The following ATPAF2 variants were observed in gnomAD, a reference collection of about 807,000 sequenced individuals.
ATPAF2 encodes ATP12 homolog.
A neutral mutation model predicts 36.6 loss-of-function variants in ATPAF2; 30 were observed. The ratio of observed to expected loss-of-function variants is 0.82; its 90% CI spans 0.61 to 1.11. ATPAF2 has a LOEUF of 1.11. ATPAF2 is among the 50% of genes most tolerant of loss of function. ATPAF2 has a pLI of 0.00. For missense variants in ATPAF2, 321 were observed against 372.3 expected, an observed-to-expected ratio of 0.86 and a Z score of 1.13; for synonymous variants, 140 against 152.6, an observed-to-expected ratio of 0.92 and a Z score of 0.61.
intron 2 of ATPAF2, 66 bp downstream of exon 2, chr17:18,028,548 GA>G: frequency 3.1e-6 from 4 of 1,307,428 alleles, no homozygotes; most frequent in African/African-American, 3.7e-5. Flanking sequence ...AGCTGAAGAT[GA>G]AAAATGTTCC....
At position 18,038,940 on chromosome 17, in the gene ATPAF2, G is replaced by A; in HGVS notation, c.74C>T (p.Ala25Val). 2 of 1,605,892 alleles carry A rather than the reference G, an allele frequency of 1.2e-6. No homozygotes were observed. The highest frequency in any genetic ancestry group is 1.7e-6 in the Non-Finnish European group (2 of 1,176,938). Residue 25 changes from alanine (A) to valine (V), a missense_variant, in exon 1 of 8, where the codon GCT becomes GTT. Around this residue, in one of 3 missense-constraint regions of ATPAF2, gnomAD observed 69 missense variants for 60.1 expected, o/e 1.15. Transcript: ENST00000474627. ...LLNRPAGGPS[A>V]SMSPGPTIPS... ...GATGGTTGGCCCCGGACTCATAGAA[G>A]CGCTGGGGCCACCCGCCGGCCGATT...
chr17:18,030,669 C>CTTT (rs545874481), intron 1 of ATPAF2, among the ~76,000 whole-genome samples: 4 of 136,022 alleles, frequency 2.9e-5, no homozygotes, highest in South Asian at 4.7e-4. Context: ...TTTTCTTTTT[C>CTTT]TTTTTTTTTT....
At chr17:18,022,925 A>G (rs2044491787) in intron 5 of ATPAF2, among the ~76,000 whole-genome samples, 1 of 151,794 alleles carries the variant, frequency 6.6e-6, no homozygotes, top group African/African-American at 2.4e-5. Context: ...GGAGATTGAG[A>G]CCATCCTGGC....
chr17:18,028,175 A>G (rs749878187), intron 3 of ATPAF2, 57 bp downstream of exon 3: 1 of 1,611,644 alleles, frequency 6.2e-7, no homozygotes, highest in Non-Finnish European at 8.5e-7. Flanking sequence ...TAAAGGGTCT[A>G]CCCTACGAAG....
chr17:18,017,170 TCAAAAAAAAAAAAAAA>T (rs1375380557), downstream of ATPAF2, among the ~76,000 whole-genome samples: 1 of 33,652 alleles, frequency 3.0e-5, no homozygotes, highest in African/African-American at 1.2e-4. Context: ...AGACTTCGTC[TCAAAAAAAAAAAAAAA>T]AAAAAAAAAA....
downstream of ATPAF2, chr17:18,015,162 C>A (rs1241846002): frequency 6.6e-6 from 1 of 152,190 alleles, no homozygotes; most frequent in African/African-American, 2.4e-5. Flanking sequence ...CTGGCTTTCC[C>A]AAATGTATTT....
At chr17:18,019,185 A>ACACACACACACC (rs1313379853) in intron 7 of ATPAF2, among the ~76,000 whole-genome samples, 40 of 146,356 alleles carry the variant, frequency 2.7e-4, no homozygotes, top group East Asian at 1.0e-3. Context: ...ACACACACAC[A>ACACACACACACC]CCCCACCACC....
chr17:18,028,885 T>TGATCTCCAGGGAGAAGGGA (rs2044586664), intron 1 of ATPAF2, among the ~76,000 whole-genome samples: 1 of 152,184 alleles, frequency 6.6e-6, no homozygotes, highest in African/African-American at 2.4e-5. Flanking sequence ...CAGAACATGC[T>TGATCTCCAGGGAGAAGGGA]GGTCATACCT....
intron 1 of ATPAF2, among the ~76,000 whole-genome samples, chr17:18,030,530 A>C (rs1268928899): frequency 1.3e-5 from 2 of 150,260 alleles, no homozygotes; most frequent in Non-Finnish European, 3.0e-5. Flanking sequence ...AAAAAAAAAA[A>C]AAAAACAAGC....
chr17:18,016,382 AT>A, downstream of ATPAF2: 1 of 806,826 alleles, frequency 1.2e-6, no homozygotes, highest in Non-Finnish European at 1.9e-6. Flanking sequence ...GGGCTTCATC[AT>A]TTTCCTAATT....
intron 4 of ATPAF2, 155 bp downstream of exon 4, chr17:18,026,164 G>A (rs1250079241): frequency 1.4e-6 from 1 of 740,414 alleles, no homozygotes; most frequent in African/African-American, 1.7e-5. Context: ...CTCCTCCTAA[G>A]GGGCTACAGA....
At chr17:18,019,701 C>T (rs1250394297) in intron 7 of ATPAF2, among the ~76,000 whole-genome samples, 1 of 152,262 alleles carries the variant, frequency 6.6e-6, no homozygotes, top group African/African-American at 2.4e-5. Context: ...CCTGGCCTGG[C>T]CGCCCCAGCT....
chr17:18,017,342 G>A (rs1467488670), downstream of ATPAF2, among the ~76,000 whole-genome samples: 1 of 152,190 alleles, frequency 6.6e-6, no homozygotes, highest in Non-Finnish European at 1.5e-5. Context: ...TGCCCCTGCC[G>A]TTTCCCCTGC....
rs969905724 is a variant in ATPAF2, at chr17:18,028,275, C to T, written c.281G>A (p.Trp94Ter). Residue 94 changes from tryptophan to a stop codon, truncating the protein, a stop_gained, in exon 3 of 8, where the codon TGG (tryptophan) becomes TAG (stop). Transcript: ENST00000474627. LOFTEE classifies it high-confidence loss of function. Reference sequence around the variant, plus strand: ...CTTGATGGTATCCTGCTGGGAATCCCACTCAGTAGCCACTGCAATGGCCAG... The same window carrying T: ...CTTGATGGTATCCTGCTGGGAATCCTACTCAGTAGCCACTGCAATGGCCAG... ...EALAIAVATE[W>*]DSQQDTIKYY... The T allele has an allele frequency of 1.2e-6, 2 of 1,614,162 alleles. No homozygotes were observed.
intron 1 of ATPAF2, among the ~76,000 whole-genome samples, chr17:18,031,959 T>A (rs1318773909): frequency 6.6e-6 from 1 of 152,200 alleles, no homozygotes; most frequent in Non-Finnish European, 1.5e-5. Flanking sequence ...CCTGGTCATA[T>A]CCAAATGGCA....
chr17:18,036,005 T>A (rs565210688), intron 1 of ATPAF2, among the ~76,000 whole-genome samples: 1 of 152,210 alleles, frequency 6.6e-6, no homozygotes, highest in Admixed American at 6.5e-5. Flanking sequence ...TGGGAGTCAA[T>A]AGACCTCTGA....
In ATPAF2 at chr17:18,038,976, C is replaced by T. The variant is rs754864610; in HGVS notation, c.38G>A (p.Arg13His). 7 of 1,612,184 alleles carry T rather than the reference C, an allele frequency of 4.3e-6. No homozygotes were observed. The South Asian group carries it at 7.7e-5, about 18-fold the overall frequency. ...ACCCGCCGGCCGATTCAGGAGACGG[C>T]GTCCCCCGTCCCGCAGCCGGAGGCA... is the stretch of plus-strand genomic sequence containing the variant. Reference protein sequence around the residue: ...RSCLRLRDGGRRLLNRPAGGP... With the variant: ...RSCLRLRDGGHRLLNRPAGGP... The change falls in exon 1 of 8, where the codon CGC becomes CAC. Residue 13 changes from arginine (R) to histidine (H), a missense_variant. This residue lies in a region of ATPAF2 where 69 missense variants were observed against 60.1 expected (regional missense o/e 1.15). Transcript: ENST00000474627.
chr17:18,030,361 C>G (rs1260786151), intron 1 of ATPAF2, among the ~76,000 whole-genome samples: 1 of 142,900 alleles, frequency 7.0e-6, no homozygotes, highest in Non-Finnish European at 1.5e-5. Context: ...TAAAAATTAG[C>G]TAGGCATGGT....
intron 1 of ATPAF2, among the ~76,000 whole-genome samples, chr17:18,035,905 G>C (rs1381095272): frequency 1.3e-5 from 2 of 152,200 alleles, no homozygotes; most frequent in Admixed American, 1.3e-4. Flanking sequence ...GTAAATAGCA[G>C]AGACAAGACT....
Sources: gnomAD v4.1 joint callset for allele counts (sites outside exome capture counted in the v4.1 genomes callset) on GRCh38, gnomAD v4.1.1 for gene constraint, gnomAD v4.1.1 regional missense constraint, MANE v1.5 for transcripts, NCBI Gene and HGNC (gene_info 2026-07-23, HGNC 2026-07-21) for gene names.